SPTBN5: variants seen among roughly 807,000 people sequenced by gnomAD.
The protein encoded by SPTBN5 is spectrin beta, non-erythrocytic 5, also known as spectrin beta chain, non-erythrocytic 5.
Under a neutral mutation model 477.6 loss-of-function variants are expected in SPTBN5, and 513 were observed. That is an observed-to-expected ratio of 1.07 (90% confidence interval 1.00 to 1.16). The LOEUF (loss-of-function observed/expected upper bound fraction) is 1.16. Ranked by LOEUF, SPTBN5 falls within the 50% of genes most tolerant of loss-of-function variation. The pLI is 0.00. For synonymous variants in SPTBN5, 2,169 were observed against 2,011.7 expected (o/e 1.08, Z -2.09); for missense variants, 5,062 against 4,731.8 (o/e 1.07, Z -2.05).
intron 59 of SPTBN5, 104 bp downstream of exon 59, chr15:41,853,154 G>C: frequency 6.7e-7 from 1 of 1,493,638 alleles, no homozygotes; most frequent in Non-Finnish European, 9.0e-7. Flanking sequence ...CCTGCGCCCA[G>C]CCTTCCTTTC....
intron 7 of SPTBN5, among the ~76,000 whole-genome samples, chr15:41,885,318 C>T (rs2067114034): frequency 6.6e-6 from 1 of 152,206 alleles, no homozygotes; most frequent in African/African-American, 2.4e-5. Context: ...GCCACCGCGC[C>T]CGGCCTCTCC....
chr15:41,855,570 TC>T lies in SPTBN5; in HGVS notation c.9196del (p.Glu3066ArgfsTer12). 6.2e-7 allele frequency: 1 copy of T among 1,612,020 alleles called. No homozygotes were observed. Among genetic ancestry groups the T allele is most frequent in the Non-Finnish European group, 8.5e-7 (1 of 1,179,594 alleles). ...CCACCTTTCTGGGTTCTTCCTGCTC[TC>T]CAGGAGTGCTGCTGTCTGCTGCAGC... Reference protein sequence around the residue: ...ERLQQTAALLESRKNPESPKV... With the variant: ...ERLQQTAALLXSRKNPESPKV... On this transcript the variant is annotated frameshift_variant, in exon 54 of 68. Transcript: ENST00000320955. LOFTEE classifies it high-confidence loss of function.
rs1346001986 is a variant in SPTBN5 at position 41,853,304 on chromosome 15, T to C, written c.10124A>G (p.Gln3375Arg). 1 of 1,611,698 alleles carries C rather than the reference T, an allele frequency of 6.2e-7. No homozygotes were observed. The highest frequency in any genetic ancestry group is 8.5e-7 in the Non-Finnish European group (1 of 1,178,660). The stretch of plus-strand genomic sequence containing the variant: ...GTTGTCCACCAGCTGCTGTCCTTCC[T>C]GCCGCAGGTCCTGGGCTTGAAGGCG... ...ECRLQAQDLRQEGQQLVDNSH... is the reference protein window; with the variant it reads ...ECRLQAQDLRREGQQLVDNSH... Residue 3375 changes from glutamine (Q) to arginine (R), a missense_variant, in exon 59 of 68, where the codon CAG becomes CGG. Coordinates refer to ENST00000320955, the MANE Select transcript of SPTBN5 (RefSeq NM_016642.4).
At chr15:41,884,153 T>A (rs899326965) in intron 7 of SPTBN5, among the ~76,000 whole-genome samples, 4 of 152,008 alleles carry the variant, frequency 2.6e-5, no homozygotes, top group African/African-American at 9.7e-5. Flanking sequence ...ACCTGGCTAA[T>A]TTTTTTGTAT....
intron 67 of SPTBN5, among the ~76,000 whole-genome samples, chr15:41,849,300 G>A (rs2065666933): frequency 6.6e-6 from 1 of 152,220 alleles, no homozygotes; most frequent in Non-Finnish European, 1.5e-5. Context: ...AGAGCCTCCT[G>A]CCCCTGCACA....
rs752600212 is a variant in SPTBN5 at position 41,879,333 on chromosome 15, C to T, written c.3109G>A (p.Ala1037Thr). Residue 1037 changes from alanine to threonine, a missense_variant, in exon 16 of 68, where the codon GCC becomes ACC. Coordinates refer to ENST00000320955, the MANE Select transcript of SPTBN5 (RefSeq NM_016642.4). ...QPGSSEDTCHALQLAQKKTLV... is the reference protein window; with the variant it reads ...QPGSSEDTCHTLQLAQKKTLV... ...GTCTTCTTCTGGGCCAGCTGCAGGG[C>T]GTGGCAGGTGTCCTCTGAGCTCCCT... 29 of 1,610,040 alleles carry T rather than the reference C, an allele frequency of 1.8e-5. No homozygotes were observed. The highest frequency in any genetic ancestry group is 2.7e-5 in the African/African-American group (2 of 74,934).
chr15:41,851,833 G>A lies in SPTBN5; in HGVS notation c.10602C>T (p.Pro3534=), dbSNP rs762890631. The change falls in exon 63 of 68, where the codon CCC becomes CCT. Residue 3534 remains proline (P), a synonymous_variant. Transcript: ENST00000320955. ...TRDPQDAKGT[P]TMEGSLEFKQ... is the part of the protein sequence containing the mutation. ...TGAACTCCAAAGACCCCTCCATGGT[G>A]GGGGTACCCTTTGCATCCTGAAAAT... The A allele has an allele frequency of 1.8e-5, 29 of 1,610,320 alleles. No individual in the cohort carries two copies. The highest frequency in any genetic ancestry group is 2.4e-5 in the Non-Finnish European group (28 of 1,179,202).
At chr15:41,871,737 G>GGT in intron 28 of SPTBN5, 45 bp downstream of exon 28, 1 of 1,486,394 alleles carries the variant, frequency 6.7e-7, no homozygotes, top group South Asian at 1.4e-5. Context: ...CCACCCCATA[G>GGT]GCTCTGCCTC....
chr15:41,868,398 C>T lies in SPTBN5; in HGVS notation c.6057G>A (p.Glu2019=), dbSNP rs1202884329. 1 of 1,599,014 alleles carries T rather than the reference C, an allele frequency of 6.3e-7. No homozygotes were observed. The highest frequency in any genetic ancestry group is 1.1e-5 in the South Asian group (1 of 90,488). The change falls in exon 33 of 68, where the codon GAG becomes GAA. Residue 2019 remains glutamate, a splice_region_variant and synonymous_variant. Coordinates refer to ENST00000320955, the MANE Select transcript of SPTBN5 (RefSeq NM_016642.4). ...ALLAAGTPTK[E]VQEELRALQD... Reference sequence around the variant, plus strand: ...GGGGGCACCAGGGGAGGGGGCCCACCTCCTTGGTGGGTGTCCCTGCAGCAA... The same window carrying T: ...GGGGGCACCAGGGGAGGGGGCCCACTTCCTTGGTGGGTGTCCCTGCAGCAA...
chr15:41,857,273 T>C lies in SPTBN5; in HGVS notation c.8586A>G (p.Gln2862=), dbSNP rs1286503243. The change falls in exon 51 of 68, where the codon CAA becomes CAG. Residue 2862 remains glutamine (Q), a synonymous_variant. Transcript: ENST00000320955. ...GCCGCCGGGCCTGCTCTTCCACATC[T>C]TGGGCAAGGCAGTGGCCTTCCCTCA... ...AFVREGHCLA[Q]DVEEQARRLL... 3 of 1,580,462 alleles carry C rather than the reference T, an allele frequency of 1.9e-6. No homozygotes were observed. The highest frequency in any genetic ancestry group is 2.3e-5 in the East Asian group (1 of 43,152).
At chr15:41,879,547 T>A in intron 15 of SPTBN5, 48 bp from the exon 16 acceptor site, 1 of 1,520,234 alleles carries the variant, frequency 6.6e-7, no homozygotes, top group Non-Finnish European at 8.8e-7. Context: ...CACCTCCCCA[T>A]CCATCCGGGA....
chr15:41,871,634 G>C, intron 28 of SPTBN5, 114 bp from the exon 29 acceptor site: 1 of 1,410,722 alleles, frequency 7.1e-7, no homozygotes, highest in East Asian at 2.7e-5. Flanking sequence ...GATAGCCACG[G>C]CGTCTGCCCG....
chr15:41,855,711 C>T lies in SPTBN5; in HGVS notation c.9056G>A (p.Gly3019Asp). ...CATGTCCTCGCTGTCCAGGACATGG[C>T]CCCGCTCAGCCAGCCAGGATCCCGC... is the stretch of plus-strand genomic sequence containing the variant. ...LEAGSWLAERGHVLDSEDMGH... is the reference protein window; with the variant it reads ...LEAGSWLAERDHVLDSEDMGH... Residue 3019 changes from glycine (G) to aspartate (D), a missense_variant, in exon 54 of 68, where the codon GGC becomes GAC. By Grantham distance (94) the Gly-to-Asp change is moderately conservative. Coordinates refer to ENST00000320955, the MANE Select transcript of SPTBN5 (RefSeq NM_016642.4). The T allele has an allele frequency of 1.9e-6, 3 of 1,591,406 alleles. No individual in the cohort carries two copies. Among genetic ancestry groups the T allele is most frequent in the Non-Finnish European group, 1.7e-6 (2 of 1,169,828 alleles).
At chr15:41,853,544 G>T in intron 58 of SPTBN5, 38 bp downstream of exon 58, 1 of 1,551,592 alleles carries the variant, frequency 6.4e-7, no homozygotes. Flanking sequence ...CCACCCCACA[G>T]GGTAGAGCTG....
At chr15:41,851,242 C>G in intron 64 of SPTBN5, 41 bp downstream of exon 64, 2 of 1,555,326 alleles carry the variant, frequency 1.3e-6, no homozygotes, top group Non-Finnish European at 1.7e-6. Context: ...CCTTGCTTCC[C>G]AGCACCCTGA....
intron 36 of SPTBN5, 99 bp downstream of exon 36, chr15:41,866,860 C>T (rs1449207077): frequency 1.8e-5 from 26 of 1,414,456 alleles, no homozygotes; most frequent in East Asian, 5.0e-5. Context: ...CATCCACCCC[C>T]GAACCTGTTT....
At chr15:41,865,390 C>T (rs2066265581) in intron 39 of SPTBN5, among the ~76,000 whole-genome samples, 2 of 152,252 alleles carry the variant, frequency 1.3e-5, no homozygotes, top group African/African-American at 4.8e-5. Flanking sequence ...CAGAGAGGTC[C>T]CTGTGCCCTT....
intron 14 of SPTBN5, 67 bp from the exon 15 acceptor site, chr15:41,879,931 T>C (rs771797704): frequency 3.1e-5 from 50 of 1,589,986 alleles, no homozygotes; most frequent in Non-Finnish European, 3.4e-5. Context: ...CTCTAGCCTA[T>C]GACGGACCTG....
Position 41,855,517 on chromosome 15 carries a change from G to A in SPTBN5, c.9218+32C>T. ...CCATCTCTGTAGGGGGCTTCTCTCT[G>A]CTCCTTCGCGGATGGTGTGGCTTCC... On this transcript the variant is annotated intron_variant, in intron 54 of 67. Transcript: ENST00000320955. The A allele has an allele frequency of 1.9e-6, 3 of 1,602,356 alleles. 1 individual carries two copies. The South Asian group carries it at 3.3e-5, about 18-fold the overall frequency.
Sources: gnomAD v4.1 joint callset for allele counts (sites outside exome capture counted in the v4.1 genomes callset) on GRCh38, gnomAD v4.1.1 for gene constraint, MANE v1.5 for transcripts, NCBI Gene and HGNC (gene_info 2026-07-23, HGNC 2026-07-21) for gene names.